Variants in PTPN3 observed in about 807,000 individuals in gnomAD.
PTPN3 encodes the protein protein tyrosine phosphatase non-receptor type 3, also known as tyrosine-protein phosphatase non-receptor type 3.
A neutral mutation model predicts 132.7 loss-of-function variants in PTPN3; 96 were observed. The observed-to-expected ratio is 0.72, with a 90% CI of 0.61 to 0.86. The LOEUF (loss-of-function observed/expected upper bound fraction) is 0.86. PTPN3 is among the 40% of genes least tolerant of loss of function. The probability of loss-of-function intolerance (pLI) is 0.00; values close to 1 mark genes in which losing one functional copy is unlikely to be tolerated. For missense variants in PTPN3, 1,125 were observed against 1,159.6 expected (o/e 0.97, Z 0.43); for synonymous variants, 398 against 429.0 (o/e 0.93, Z 0.89).
chr9:109,475,697 G>A lies in PTPN3; in HGVS notation c.-17-12246C>T, dbSNP rs559729889. Among the ~76,000 whole-genome samples, 8 of 152,258 alleles carry A rather than the reference G, an allele frequency of 5.3e-5. No individual in the cohort carries two copies. In the South Asian group the frequency reaches 1.7e-3, roughly 32 times the overall value. On this transcript the variant is annotated intron_variant, in intron 1 of 25. Transcript: ENST00000374541. ...TCAGTCCACGATATTTCTATCTTAG[G>A]CTCTGGCCCCCACCCCTTTACAGCC...
At chr9:109,418,684 A>T (rs1041496720) in intron 14 of PTPN3, among the ~76,000 whole-genome samples, 2 of 152,074 alleles carry the variant, frequency 1.3e-5, no homozygotes, top group Non-Finnish European at 2.9e-5. Flanking sequence ...GGAGGCCAAC[A>T]CTCCTGTGTG....
At chr9:109,454,448 T>C in intron 5 of PTPN3, 48 bp downstream of exon 5, 2 of 1,457,702 alleles carry the variant, frequency 1.4e-6, no homozygotes, top group Non-Finnish European at 1.9e-6. Flanking sequence ...TTTTAGTGGT[T>C]ACTCATTTTT....
At chr9:109,513,856 A>G in the PTPN3 span, among the ~76,000 whole-genome samples, 2 of 152,192 alleles carry the variant, frequency 1.3e-5, no homozygotes, top group South Asian at 2.1e-4. Flanking sequence ...TATTATATGT[A>G]AATATAATAT....
chr9:109,424,890 T>C (rs1843131287), intron 12 of PTPN3, among the ~76,000 whole-genome samples: 1 of 152,216 alleles, frequency 6.6e-6, no homozygotes, highest in Admixed American at 6.5e-5. Flanking sequence ...TGGCATTGGA[T>C]GCATGCAGAT....
In PTPN3 at chr9:109,463,388, C is replaced by A. The variant is rs540108445; in HGVS notation, c.47G>T (p.Arg16Leu). The change falls in exon 2 of 26, where the codon CGC becomes CTC. Residue 16 changes from arginine (R) to leucine (L), a missense_variant. By Grantham distance (102) the Arg-to-Leu change is moderately radical (BLOSUM62 -2). Coordinates refer to ENST00000374541, the MANE Select transcript of PTPN3 (RefSeq NM_002829.4). The stretch of plus-strand genomic sequence containing the variant: ...TTTCTCTTTGGGTAACTCCGAGGTG[C>A]GTATATTATTAATTCTTCCACCCAA... The part of the protein sequence containing the change: ...RALGGRINNI[R>L]TSELPKEKTR... The A allele has an allele frequency of 6.2e-7, 1 of 1,612,854 alleles. No homozygotes were observed. The highest frequency in any genetic ancestry group is 1.3e-5 in the African/African-American group (1 of 74,950).
At chr9:109,487,911 T>A (rs565702473) in intron 1 of PTPN3, among the ~76,000 whole-genome samples, 78 of 152,280 alleles carry the variant, frequency 5.1e-4, no homozygotes, top group Admixed American at 1.5e-3. Context: ...CTATGTGCCC[T>A]TGAGTATGTT....
chr9:109,468,538 T>C (rs1846216265), intron 1 of PTPN3, among the ~76,000 whole-genome samples: 1 of 151,996 alleles, frequency 6.6e-6, no homozygotes, highest in South Asian at 2.1e-4. Context: ...GGCTAATTTT[T>C]TGTATTTTTA....
chr9:109,425,511 G>C (rs1291092585), intron 12 of PTPN3, among the ~76,000 whole-genome samples: 1 of 151,958 alleles, frequency 6.6e-6, no homozygotes, highest in African/African-American at 2.4e-5. Flanking sequence ...AGGAGTTCGA[G>C]AGCAGCCTGC....
At chr9:109,418,426 A>G (rs2131825440) in intron 14 of PTPN3, among the ~76,000 whole-genome samples, 1 of 152,354 alleles carries the variant, frequency 6.6e-6, no homozygotes, top group Middle Eastern at 3.4e-3. Context: ...CTCAGAGGCT[A>G]TCCACCTGCC....
At chr9:109,533,269 C>G in the PTPN3 span, among the ~76,000 whole-genome samples, 2 of 150,772 alleles carry the variant, frequency 1.3e-5, no homozygotes, top group African/African-American at 4.9e-5. Context: ...CTCAGCCTCC[C>G]GAGTAGCTGG....
At chr9:109,421,086 A>C (rs1468006867) in intron 13 of PTPN3, among the ~76,000 whole-genome samples, 1 of 152,200 alleles carries the variant, frequency 6.6e-6, no homozygotes, top group Non-Finnish European at 1.5e-5. Flanking sequence ...TCCAAGAGAA[A>C]ATGTTTGCTT....
intron 21 of PTPN3, 90 bp downstream of exon 21, chr9:109,391,048 T>G (rs750820731): frequency 8.4e-7 from 1 of 1,194,192 alleles, no homozygotes; most frequent in Non-Finnish European, 1.2e-6. Context: ...GGGAAAGCAC[T>G]GTGTCAACTG....
the PTPN3 span, among the ~76,000 whole-genome samples, chr9:109,518,651 A>G: frequency 5.3e-5 from 8 of 152,104 alleles, no homozygotes; most frequent in Non-Finnish European, 1.2e-4. Context: ...GAAAAGAGGA[A>G]CACTTGTTGG....
the PTPN3 span, chr9:109,532,853 C>A: frequency 9.3e-7 from 1 of 1,078,052 alleles, no homozygotes; most frequent in South Asian, 2.4e-5. Flanking sequence ...CCCTGCTTAG[C>A]CTCGGGAGCG....
chr9:109,454,491 G>C lies in PTPN3; in HGVS notation c.368+5C>G. ...AAACAGAAAACTTTAAAAAAATGTT[G>C]TTACCTGGTTTGTTCTTGCTGCAGT... On this transcript the variant is annotated splice_donor_5th_base_variant and intron_variant, in intron 5 of 25. Transcript: ENST00000374541. The C allele has an allele frequency of 6.2e-7, 1 of 1,609,144 alleles. No individual in the cohort carries two copies. The highest frequency in any genetic ancestry group is 1.3e-5 in the African/African-American group (1 of 74,900).
chr9:109,532,653 TAAA>T, the PTPN3 span, among the ~76,000 whole-genome samples: 1 of 151,076 alleles, frequency 6.6e-6, no homozygotes, highest in Non-Finnish European at 1.5e-5. Flanking sequence ...GTGAAAATAA[TAAA>T]AACCCCATGC....
At chr9:109,431,484 G>A (rs1843660670) in intron 10 of PTPN3, among the ~76,000 whole-genome samples, 1 of 152,170 alleles carries the variant, frequency 6.6e-6, no homozygotes, top group Admixed American at 6.5e-5. Context: ...GTCCTGAGTG[G>A]GCCAGAGAGC....
intron 22 of PTPN3, among the ~76,000 whole-genome samples, chr9:109,387,340 C>A (rs746058781): frequency 9.9e-5 from 15 of 152,210 alleles, no homozygotes; most frequent in Non-Finnish European, 2.1e-4. Context: ...GTGCATTTCA[C>A]CAAACAGTGT....
chr9:109,491,252 T>C (rs1356277336), intron 1 of PTPN3, among the ~76,000 whole-genome samples: 2 of 152,042 alleles, frequency 1.3e-5, no homozygotes, highest in African/African-American at 4.8e-5. Flanking sequence ...TAAACAATGT[T>C]GTATCACTAT....
Sources: gnomAD v4.1 joint callset for allele counts (sites outside exome capture counted in the v4.1 genomes callset) on GRCh38, gnomAD v4.1.1 for gene constraint, MANE v1.5 for transcripts, NCBI Gene and HGNC (gene_info 2026-07-23, HGNC 2026-07-21) for gene names.